The following WDR7 variants were observed in gnomAD, a reference collection of about 807,000 sequenced individuals.
WDR7 encodes the protein WD repeat domain 7.
A neutral mutation model predicts 169.4 loss-of-function variants in WDR7; 46 were observed. That is an observed-to-expected ratio of 0.27 (90% confidence interval 0.21 to 0.35). The LOEUF (loss-of-function observed/expected upper bound fraction) is 0.35, where lower values mean the gene tolerates loss of function less well. WDR7 is among the 10% of genes least tolerant of loss of function. WDR7 has a pLI of 1.00. For synonymous variants in WDR7, 612 were observed against 666.8 expected (o/e 0.92, Z 1.27); for missense variants, 1,534 against 1,859.3 (o/e 0.83, Z 3.22).
At chr18:56,912,333 A>T (rs1368432757) in intron 21 of WDR7, among the ~76,000 whole-genome samples, 2 of 152,192 alleles carry the variant, frequency 1.3e-5, no homozygotes, top group Admixed American at 1.3e-4. Flanking sequence ...TTCATCCACC[A>T]TTCTCTTCCT....
Position 57,028,358 on chromosome 18 carries a change from C to T in WDR7, c.*1151C>T, listed in dbSNP as rs147996582. 6.6e-6 allele frequency: 1 copy of T among 152,250 alleles called. No homozygotes were observed. Among genetic ancestry groups the T allele is most frequent in the Non-Finnish European group, 1.5e-5 (1 of 68,008 alleles). 9.4% of individuals were successfully genotyped at this position (152,250 alleles called of 1,614,324 possible). ...GGTGTTCATTATGCTTCTAAGTAAG[C>T]TTTAACTAGACCACTTTCTTCTTAT... On this transcript the variant is annotated 3_prime_UTR_variant, in exon 28 of 28. Coordinates refer to ENST00000254442, the MANE Select transcript of WDR7 (RefSeq NM_015285.3).
chr18:56,730,802 G>A (rs1469808615), intron 13 of WDR7, among the ~76,000 whole-genome samples: 2 of 151,906 alleles, frequency 1.3e-5, no homozygotes, highest in African/African-American at 2.4e-5. Context: ...AAATAAATAA[G>A]TAAAGTAGTT....
intron 12 of WDR7, chr18:56,699,769 C>G: frequency 1.1e-6 from 1 of 938,908 alleles, no homozygotes; most frequent in Non-Finnish European, 1.3e-6. Flanking sequence ...CTAAATAATT[C>G]ATTATTTGTC....
chr18:56,987,428 T>A (rs962865684), intron 26 of WDR7, among the ~76,000 whole-genome samples: 3 of 151,926 alleles, frequency 2.0e-5, no homozygotes, highest in Admixed American at 6.6e-5. Context: ...AGCCCTGATA[T>A]ACAGATAGGG....
chr18:56,739,509 A>G (rs2043580218), intron 14 of WDR7, among the ~76,000 whole-genome samples: 1 of 152,030 alleles, frequency 6.6e-6, no homozygotes, highest in African/African-American at 2.4e-5. Flanking sequence ...ATATTATTTA[A>G]TATTCTTATA....
intron 21 of WDR7, among the ~76,000 whole-genome samples, chr18:56,893,019 A>T (rs1031388185): frequency 1.3e-5 from 2 of 152,038 alleles, no homozygotes; most frequent in Non-Finnish European, 2.9e-5. Context: ...CTTTATAATA[A>T]TTTTTTGGTC....
chr18:56,798,156 G>A (rs751595558), intron 19 of WDR7, among the ~76,000 whole-genome samples: 2 of 152,114 alleles, frequency 1.3e-5, no homozygotes, highest in African/African-American at 2.4e-5. Flanking sequence ...TTTTGTAATA[G>A]CAAATTTAAT....
At position 56,781,730 on chromosome 18, in the gene WDR7, A is replaced by G. The variant is rs992121663; in HGVS notation, c.3190+74A>G. On this transcript the variant is annotated intron_variant, in intron 19 of 27. Coordinates refer to ENST00000254442, the MANE Select transcript of WDR7 (RefSeq NM_015285.3). ...AAGGTACCTGTACTCACAAATATAT[A>G]TGCTACTACCCATCAACAAAAATGA... The G allele has an allele frequency of 7.4e-6, 10 of 1,350,504 alleles. No homozygotes were observed. In the East Asian group the frequency reaches 2.2e-4, roughly 30 times the overall value. 83.7% of individuals were successfully genotyped at this position (1,350,504 alleles called of 1,614,324 possible). A position where few individuals can be genotyped will look rare whatever the true frequency, so the allele number is the denominator to read the frequency against.
In WDR7 at chr18:56,805,441, G is replaced by A. The variant is rs77523533; in HGVS notation, c.3191-10590G>A. On this transcript the variant is annotated intron_variant, in intron 19 of 27. Coordinates refer to ENST00000254442, the MANE Select transcript of WDR7 (RefSeq NM_015285.3). ...ACTCTAGAGATTTTCGTCATTTGGA[G>A]TTTTAGATTGTAGACCTTTGATTTT... Among the ~76,000 whole-genome samples the A allele has an allele frequency of 2.8e-3, 424 of 152,272 alleles. 6 individuals are homozygous for A. Among genetic ancestry groups the A allele is most frequent in the African/African-American group, 1.0e-2 (414 of 41,556 alleles).
chr18:56,994,194 G>A (rs148679809), intron 26 of WDR7, among the ~76,000 whole-genome samples: 57 of 151,486 alleles, frequency 3.8e-4, no homozygotes, highest in African/African-American at 1.3e-3. Flanking sequence ...TAATTTTTTT[G>A]TATTCTTTCT....
chr18:56,858,082 T>A (rs2045750359), intron 20 of WDR7, among the ~76,000 whole-genome samples: 1 of 152,208 alleles, frequency 6.6e-6, no homozygotes, highest in African/African-American at 2.4e-5. Context: ...AGCTCCAGGC[T>A]TTTACTTTCA....
intron 22 of WDR7, among the ~76,000 whole-genome samples, chr18:56,931,493 GC>G (rs1451893852): frequency 6.6e-6 from 1 of 152,072 alleles, no homozygotes; most frequent in Non-Finnish European, 1.5e-5. Context: ...TGCTGAATTT[GC>G]CAGCTACTTC....
Position 56,838,121 on chromosome 18 carries a change from A to G in WDR7, c.3304+21977A>G, listed in dbSNP as rs145756731. Among the ~76,000 whole-genome samples, 3 of 152,338 alleles carry G rather than the reference A, an allele frequency of 2.0e-5. No individual in the cohort carries two copies. The East Asian group carries it at 5.8e-4, about 29-fold the overall frequency. On this transcript the variant is annotated intron_variant, in intron 20 of 27. Coordinates refer to ENST00000254442, the MANE Select transcript of WDR7 (RefSeq NM_015285.3). ...TCAACAAAAGCACTGCATTATGATG[A>G]TATATAAAAGACACATCTGGGTTTG...
intron 5 of WDR7, among the ~76,000 whole-genome samples, chr18:56,683,967 T>C (rs979150867): frequency 2.6e-5 from 4 of 152,028 alleles, no homozygotes; most frequent in Admixed American, 2.6e-4. Context: ...TATAAACAAA[T>C]AACAGTTTAG....
At chr18:56,993,285 G>A (rs1354335697) in intron 26 of WDR7, among the ~76,000 whole-genome samples, 2 of 152,104 alleles carry the variant, frequency 1.3e-5, no homozygotes, top group African/African-American at 4.8e-5. Context: ...AATTTTTCTC[G>A]AGTTTCTACC....
At chr18:56,967,209 C>A (rs1405486121) in intron 26 of WDR7, among the ~76,000 whole-genome samples, 2 of 151,392 alleles carry the variant, frequency 1.3e-5, no homozygotes, top group Non-Finnish European at 2.9e-5. Context: ...TGAAGCAGCA[C>A]TGCCTTAGGC....
intron 18 of WDR7, 134 bp downstream of exon 18, chr18:56,779,683 T>C: frequency 1.4e-6 from 1 of 694,924 alleles, no homozygotes; most frequent in South Asian, 2.1e-5. Flanking sequence ...TGTGGATTCA[T>C]GATTTATGTT....
At position 56,694,621 on chromosome 18, in the gene WDR7, G is replaced by A. The variant is rs756001475; in HGVS notation, c.969G>A (p.Leu323=). ...TATTCAAATACTTTTTTTGGCAGTT[G>A]CTAATTTGTCCTCCTGTTACTCGGT... ...HILLDRKDKE[L]LICPPVTRFF... is the part of the protein sequence containing the mutation. Residue 323 remains leucine, a splice_region_variant and synonymous_variant, in exon 10 of 28, where the codon TTG becomes TTA. Coordinates refer to ENST00000254442, the MANE Select transcript of WDR7 (RefSeq NM_015285.3). 4 of 1,600,998 alleles carry A rather than the reference G, an allele frequency of 2.5e-6. No individual in the cohort carries two copies. In the South Asian group the frequency reaches 3.4e-5, roughly 14 times the overall value.
chr18:56,830,272 T>C (rs536911800), intron 20 of WDR7, among the ~76,000 whole-genome samples: 4 of 152,348 alleles, frequency 2.6e-5, no homozygotes, highest in Non-Finnish European at 5.9e-5. Flanking sequence ...ATTTATACTC[T>C]TATGGGTTTT....
Sources: allele counts gnomAD v4.1 joint callset (sites outside exome capture counted in the v4.1 genomes callset), GRCh38; gene constraint gnomAD v4.1.1; transcripts MANE v1.5; gene names NCBI Gene and HGNC (gene_info 2026-07-23, HGNC 2026-07-21).